Variants in PTPRD observed in about 807,000 individuals in gnomAD.
PTPRD encodes the protein receptor-type tyrosine-protein phosphatase delta.
In PTPRD, 34 loss-of-function variants were observed where a neutral mutation model predicts 214.5. The observed-to-expected ratio is 0.16, with a 90% CI of 0.12 to 0.21. The LOEUF (loss-of-function observed/expected upper bound fraction) is 0.21, where lower values mean the gene tolerates loss of function less well. PTPRD is among the 10% of genes least tolerant of loss of function. The pLI is 1.00. For synonymous variants in PTPRD, 1,128 were observed against 845.7 expected, an observed-to-expected ratio of 1.33 and a Z score of -5.79; for missense variants, 2,545 against 2,398.7, an observed-to-expected ratio of 1.06 and a Z score of -1.27.
intron 11 of PTPRD, among the ~76,000 whole-genome samples, chr9:8,947,002 C>T (rs2099069006): frequency 7.2e-6 from 1 of 139,450 alleles, no homozygotes; most frequent in African/African-American, 2.6e-5. Flanking sequence ...CTTTCTATCT[C>T]TGTCTCTCTG....
At chr9:9,102,356 G>C (rs571010779) in intron 10 of PTPRD, among the ~76,000 whole-genome samples, 1 of 152,308 alleles carries the variant, frequency 6.6e-6, no homozygotes, top group East Asian at 1.9e-4. Context: ...CTGAGTAGGG[G>C]TGATGATCTA....
intron 9 of PTPRD, among the ~76,000 whole-genome samples, chr9:9,264,817 T>C (rs190773004): frequency 2.0e-5 from 3 of 150,974 alleles, no homozygotes; most frequent in Admixed American, 1.3e-4. Context: ...CAAGAGATCC[T>C]CCATGAGATT....
chr9:9,284,723 G>C (rs767508548), intron 9 of PTPRD, among the ~76,000 whole-genome samples: 2 of 151,698 alleles, frequency 1.3e-5, no homozygotes, highest in African/African-American at 2.4e-5. Flanking sequence ...AAGTGTCCTG[G>C]TGCAATGGAA....
intron 20 of PTPRD, among the ~76,000 whole-genome samples, chr9:8,519,604 T>C (rs928610858): frequency 2.6e-4 from 39 of 152,304 alleles, no homozygotes; most frequent in Admixed American, 1.6e-3. Flanking sequence ...TCTGACTTAC[T>C]GTAAAATTGT....
At chr9:8,577,093 A>C (rs558571381) in intron 14 of PTPRD, among the ~76,000 whole-genome samples, 30 of 152,056 alleles carry the variant, frequency 2.0e-4, no homozygotes, top group African/African-American at 6.8e-4. Context: ...AGACTACCCA[A>C]ACTCTCCAGC....
At chr9:9,914,011 C>T in intron 5 of PTPRD, among the ~76,000 whole-genome samples, 1 of 152,202 alleles carries the variant, frequency 6.6e-6, no homozygotes, top group Non-Finnish European at 1.5e-5. Flanking sequence ...GGCCTAGGAT[C>T]AGCTGTGATT....
In PTPRD at chr9:9,035,666, C is replaced by A. The variant is rs569963340; in HGVS notation, c.-142-16931G>T. Among the ~76,000 whole-genome samples, 13 of 151,612 alleles carry A rather than the reference C, an allele frequency of 8.6e-5. No homozygotes were observed. The East Asian group carries it at 2.6e-3, about 30-fold the overall frequency. ...TAGACTTTATGCCCAATGGTGCTGT[C>A]AAGTCCTCTTACTTGAGGACTAGTT... On this transcript the variant is annotated intron_variant, in intron 10 of 45. Coordinates refer to ENST00000381196, the MANE Select transcript of PTPRD (RefSeq NM_002839.4).
At chr9:10,014,495 C>T (rs1296014869) in intron 4 of PTPRD, among the ~76,000 whole-genome samples, 2 of 152,014 alleles carry the variant, frequency 1.3e-5, no homozygotes, top group East Asian at 1.9e-4. Context: ...TTTCTAATGA[C>T]TTGGTAACAT....
At chr9:10,219,479 G>A (rs4741018) in intron 3 of PTPRD, among the ~76,000 whole-genome samples, 1 of 151,348 alleles carries the variant, frequency 6.6e-6, no homozygotes, top group Non-Finnish European at 1.5e-5. Context: ...TCTGATTTAC[G>A]AGCAAAGGAA....
intron 8 of PTPRD, among the ~76,000 whole-genome samples, chr9:9,563,965 G>C (rs1256165725): frequency 6.6e-6 from 1 of 152,104 alleles, no homozygotes; most frequent in African/African-American, 2.4e-5. Context: ...GTCACTTAAA[G>C]AGGAAGTAAA....
At chr9:9,285,982 C>T (rs1166266233) in intron 9 of PTPRD, among the ~76,000 whole-genome samples, 1 of 151,742 alleles carries the variant, frequency 6.6e-6, no homozygotes, top group Non-Finnish European at 1.5e-5. Context: ...TCAACATGCT[C>T]AAAACTGAAA....
intron 3 of PTPRD, among the ~76,000 whole-genome samples, chr9:10,044,729 T>C (rs2097358672): frequency 6.6e-6 from 1 of 151,742 alleles, no homozygotes; most frequent in African/African-American, 2.4e-5. Context: ...GTAATAGAGC[T>C]GAGACTGGAA....
chr9:10,027,451 G>C (rs2096948065), intron 4 of PTPRD, among the ~76,000 whole-genome samples: 1 of 152,126 alleles, frequency 6.6e-6, no homozygotes, highest in Admixed American at 6.5e-5. Context: ...CCTTCCAACA[G>C]TATTTTGGGT....
chr9:9,990,183 G>C (rs999902552), intron 4 of PTPRD, among the ~76,000 whole-genome samples: 1 of 152,188 alleles, frequency 6.6e-6, no homozygotes, highest in African/African-American at 2.4e-5. Context: ...CGTGGGACCA[G>C]GACAAGGTCC....
chr9:10,353,930 A>G (rs997731980), intron 2 of PTPRD, among the ~76,000 whole-genome samples: 1 of 152,090 alleles, frequency 6.6e-6, no homozygotes, highest in African/African-American at 2.4e-5. Flanking sequence ...CCCATAAAAA[A>G]ATCAATTGAG....
intron 8 of PTPRD, among the ~76,000 whole-genome samples, chr9:9,489,262 A>G (rs537864417): frequency 3.9e-5 from 6 of 152,348 alleles, no homozygotes; most frequent in Admixed American, 2.0e-4. Flanking sequence ...CAAATGAAAT[A>G]AAACACGAAC....
At chr9:9,321,415 C>T (rs974501558) in intron 9 of PTPRD, among the ~76,000 whole-genome samples, 4 of 151,798 alleles carry the variant, frequency 2.6e-5, no homozygotes, top group Admixed American at 6.6e-5. Context: ...ATCAGCCGGG[C>T]GTGGTGGTGC....
chr9:9,418,895 G>A (rs371405538), intron 8 of PTPRD, among the ~76,000 whole-genome samples: 2 of 151,832 alleles, frequency 1.3e-5, no homozygotes, highest in Non-Finnish European at 2.9e-5. Context: ...AGAAAGAAAG[G>A]TTATTTGAAT....
chr9:8,629,317 C>T (rs1366538672), intron 14 of PTPRD, among the ~76,000 whole-genome samples: 2 of 151,810 alleles, frequency 1.3e-5, no homozygotes, highest in African/African-American at 4.8e-5. Flanking sequence ...ATGGTGATAT[C>T]TCATTTTCCC....
Sources: gnomAD v4.1 joint callset for allele counts (sites outside exome capture counted in the v4.1 genomes callset) on GRCh38, gnomAD v4.1.1 for gene constraint, MANE v1.5 for transcripts, NCBI Gene and HGNC (gene_info 2026-07-23, HGNC 2026-07-21) for gene names.